CTBP2: variants seen among roughly 807,000 people sequenced by gnomAD.
CTBP2 encodes the protein C-terminal-binding protein 2.
Under a neutral mutation model 80.3 loss-of-function variants are expected in CTBP2, and 30 were observed. That is an observed-to-expected ratio of 0.37 (90% CI 0.28 to 0.51). CTBP2 has a LOEUF of 0.51. CTBP2 is among the 20% of genes least tolerant of loss of function. The pLI is 0.93. For missense variants in CTBP2, 1,212 were observed against 1,375.3 expected (o/e 0.88, Z 1.88); for synonymous variants, 594 against 587.4 (o/e 1.01, Z -0.16).
chr10:125,027,585 C>G lies in CTBP2; in HGVS notation c.175G>C (p.Asp59His). Reference sequence around the variant, plus strand: ...TCGGCGGCCACGGGCAGGGCAGCGTCCTGTGGTCGGTGGTTTGGCTCAAAC... The same window carrying G: ...TCGGCGGCCACGGGCAGGGCAGCGTGCTGTGGTCGGTGGTTTGGCTCAAAC... The change falls in exon 1 of 9, where the codon GAC (aspartate) becomes CAC (histidine). Residue 59 changes from aspartate (D) to histidine (H), a missense_variant. By Grantham distance (81) the Asp-to-His change is moderately conservative. This residue lies in a region of CTBP2 where 848 missense variants were observed against 782.3 expected (regional missense o/e 1.08). Coordinates refer to ENST00000309035, the MANE Select transcript of CTBP2 (RefSeq NM_022802.3). The G allele has an allele frequency of 6.2e-7, 1 of 1,614,092 alleles. No homozygotes were observed. The highest frequency in any genetic ancestry group is 8.5e-7 in the Non-Finnish European group (1 of 1,180,030).
At chr10:125,082,177 TC>T (rs1672798806) in intron 2 of CTBP2, among the ~76,000 whole-genome samples, 1 of 152,020 alleles carries the variant, frequency 6.6e-6, no homozygotes. Flanking sequence ...GCTGCCCTCC[TC>T]CCCCCAGGCA....
At chr10:125,151,911 A>ACGGAG (rs886420667) in intron 1 of CTBP2, among the ~76,000 whole-genome samples, 3 of 152,132 alleles carry the variant, frequency 2.0e-5, no homozygotes, top group African/African-American at 7.2e-5. Flanking sequence ...GGAAGTGGGC[A>ACGGAG]CGGAGCGGGG....
chr10:125,137,620 T>C (rs1002209440), intron 1 of CTBP2, among the ~76,000 whole-genome samples: 4 of 152,220 alleles, frequency 2.6e-5, no homozygotes, highest in Admixed American at 6.5e-5. Flanking sequence ...GCTGTGTTTA[T>C]AATAAAATAG....
At position 125,090,285 on chromosome 10, in the gene CTBP2, C is replaced by CAAAAAAAAAAAAAAAAAAA. The variant is rs56714830; in HGVS notation, c.-102+20704_-102+20705insTTTTTTTTTTTTTTTTTTT. On this transcript the variant is annotated intron_variant, in intron 2 of 10. Coordinates refer to the CTBP2 transcript ENST00000337195. ...TCTGGGCGACAGAGAGTCCCTGGCT[C>CAAAAAAAAAAAAAAAAAAA]AAAAAAAAAAAAAAAAAGGTTGGGG... is the stretch of plus-strand genomic sequence containing the variant. 5.1e-3 allele frequency among the ~76,000 whole-genome samples: 334 copies of CAAAAAAAAAAAAAAAAAAA among 65,338 alleles called. 38 individuals are homozygous for CAAAAAAAAAAAAAAAAAAA. Among genetic ancestry groups the CAAAAAAAAAAAAAAAAAAA allele is most frequent in the African/African-American group, 0.023 (329 of 14,404 alleles). The allele number at this position is 65,338 out of a possible 152,430, so 42.9% of individuals were successfully genotyped here.
intron 2 of CTBP2, among the ~76,000 whole-genome samples, chr10:125,068,069 C>T (rs1259152350): frequency 6.6e-6 from 1 of 152,196 alleles, no homozygotes; most frequent in Non-Finnish European, 1.5e-5. Context: ...TGGGCCTCAA[C>T]TCAGCCCCAA....
At chr10:125,054,771 C>A (rs1473303588) in intron 2 of CTBP2, among the ~76,000 whole-genome samples, 2 of 152,314 alleles carry the variant, frequency 1.3e-5, no homozygotes, top group Non-Finnish European at 2.9e-5. Flanking sequence ...ATACTACCTA[C>A]AGGACAGAGA....
At chr10:125,098,443 G>C (rs909589285) in intron 2 of CTBP2, among the ~76,000 whole-genome samples, 1 of 152,066 alleles carries the variant, frequency 6.6e-6, no homozygotes, top group Non-Finnish European at 1.5e-5. Context: ...TGGTATATGC[G>C]TGGTCCGTAA....
At chr10:125,032,054 G>C (rs1185673704), upstream of CTBP2, among the ~76,000 whole-genome samples, 1 of 143,378 alleles carries the variant, frequency 7.0e-6, no homozygotes, top group South Asian at 2.2e-4. Flanking sequence ...GGTTTCAAAA[G>C]AAAAAAAAAA....
chr10:125,031,178 G>T (rs572205556), upstream of CTBP2, among the ~76,000 whole-genome samples: 4 of 152,120 alleles, frequency 2.6e-5, no homozygotes, highest in African/African-American at 9.7e-5. Context: ...AAGTGTTGTG[G>T]AATTTGTGCC....
chr10:125,015,402 C>T (rs1364007757), intron 1 of CTBP2, among the ~76,000 whole-genome samples: 1 of 152,236 alleles, frequency 6.6e-6, no homozygotes, highest in Non-Finnish European at 1.5e-5. Flanking sequence ...GTGACAACCC[C>T]ACAGGCCACA....
rs140138824 is a variant in CTBP2 at position 125,026,484 on chromosome 10, C to T, written c.1276G>A (p.Val426Met). The T allele has an allele frequency of 5.8e-5, 93 of 1,600,740 alleles. No individual in the cohort carries two copies. In the African/African-American group the frequency reaches 7.9e-4, roughly 14 times the overall value. ...GGGAAGTGTGGGGCATGGGTGCCCACGCCAGGGGCAGAATAGGTGGCTGCC... is the reference window on the plus strand; with the variant it reads ...GGGAAGTGTGGGGCATGGGTGCCCATGCCAGGGGCAGAATAGGTGGCTGCC... Residue 426 changes from valine (V) to methionine (M), a missense_variant, in exon 1 of 9, where the codon GTG (valine) becomes ATG (methionine). Physicochemically the swap from Val to Met is conservative, Grantham distance 21. Transcript: ENST00000309035.
intron 2 of CTBP2, among the ~76,000 whole-genome samples, chr10:125,049,092 C>CACACACACACAT (rs1255245867): frequency 1.4e-5 from 2 of 144,046 alleles, no homozygotes; most frequent in Non-Finnish European, 3.1e-5. Context: ...CACACACACA[C>CACACACACACAT]GTCCACCTGA....
intron 2 of CTBP2, among the ~76,000 whole-genome samples, chr10:125,046,966 A>G (rs1046523874): frequency 1.3e-5 from 2 of 152,222 alleles, no homozygotes; most frequent in Non-Finnish European, 2.9e-5. Context: ...ACTTGAGCAG[A>G]AAGAATTTGT....
At chr10:125,135,030 G>A (rs1055023250) in intron 1 of CTBP2, among the ~76,000 whole-genome samples, 16 of 152,102 alleles carry the variant, frequency 1.1e-4, no homozygotes, top group Admixed American at 6.5e-4. Context: ...CATAGGCAGC[G>A]GCAAGGCTAC....
In CTBP2 at chr10:125,066,233, TA is replaced by T. The variant is rs1844611843; in HGVS notation, c.-101-27079del. ...CAGCTTCTGTTAACATGGCGATGGC[TA>T]GGCACAGGCAGCCACCCCTCTACCA... On this transcript the variant is annotated intron_variant, in intron 2 of 10. Transcript: ENST00000337195. The surrounding 1 kb of genome is among the most constrained non-coding windows in gnomAD (Gnocchi z 4.1). Among the ~76,000 whole-genome samples, 1 of 152,014 alleles carries T rather than the reference TA, an allele frequency of 6.6e-6. No individual in the cohort carries two copies. Among genetic ancestry groups the T allele is most frequent in the Admixed American group, 6.6e-5 (1 of 15,250 alleles).
chr10:124,990,078 G>T (rs1273649662), intron 8 of CTBP2, among the ~76,000 whole-genome samples: 163 of 144,872 alleles, frequency 1.1e-3, no homozygotes, highest in Non-Finnish European at 1.9e-4. Context: ...GTCTCACTCT[G>T]TCGCCAGTCT....
chr10:125,028,112 A>ATG, upstream of CTBP2: 2 of 229,516 alleles, frequency 8.7e-6, no homozygotes, highest in Non-Finnish European at 1.7e-5. Context: ...TTAGGAGCTA[A>ATG]ATAAAACCCT....
intron 2 of CTBP2, among the ~76,000 whole-genome samples, chr10:125,098,465 G>A (rs917067409): frequency 2.0e-5 from 3 of 152,110 alleles, no homozygotes; most frequent in African/African-American, 7.2e-5. Context: ...GCATCACTTG[G>A]TTGATGTGTG....
In CTBP2 at chr10:124,993,263, A is replaced by G. The variant is rs141956363; in HGVS notation, c.2598T>C (p.Ser866=). 137 of 1,607,560 alleles carry G rather than the reference A, an allele frequency of 8.5e-5. No homozygotes were observed. Among genetic ancestry groups the G allele is most frequent in the Non-Finnish European group, 1.1e-4 (132 of 1,174,864 alleles). ...CCCTCATCTCCAGTGACGCCTGCTC[A>G]CTGTACCAGGCAGTGTGAGGAGTGC... Residue 866 remains serine (S), a synonymous_variant, in exon 7 of 9, where the codon AGT becomes AGC. Coordinates refer to ENST00000309035, the MANE Select transcript of CTBP2 (RefSeq NM_022802.3).
Sources: gnomAD v4.1 joint callset for allele counts (sites outside exome capture counted in the v4.1 genomes callset) on GRCh38, gnomAD v4.1.1 for gene constraint, gnomAD v4.1.1 regional missense constraint, Gnocchi (gnomAD v3.1) non-coding constraint, MANE v1.5 for transcripts, NCBI Gene and HGNC (gene_info 2026-07-23, HGNC 2026-07-21) for gene names.